The following STKLD1 variants were observed in gnomAD, a reference collection of about 807,000 sequenced individuals.
STKLD1 encodes serine/threonine kinase like domain containing 1, also known as serine/threonine kinase-like domain-containing protein STKLD1.
Under a neutral mutation model 80.4 loss-of-function variants are expected in STKLD1, and 79 were observed. The observed-to-expected ratio is 0.98, with a 90% confidence interval of 0.82 to 1.19. The LOEUF is 1.19. Among genes scored for constraint, STKLD1 ranks in the 50% most tolerant of loss-of-function variants. STKLD1 has a pLI of 0.00. For missense variants in STKLD1, 841 were observed against 856.0 expected, an observed-to-expected ratio of 0.98 and a Z score of 0.22; for synonymous variants, 393 against 357.6, an observed-to-expected ratio of 1.10 and a Z score of -1.12.
chr9:133,396,298 A>G (rs1554776736), intron 9 of STKLD1, among the ~76,000 whole-genome samples: 2 of 152,074 alleles, frequency 1.3e-5, no homozygotes, highest in South Asian at 2.1e-4. Flanking sequence ...AGCTGGGTGT[A>G]GTGGTGCATG....
At chr9:133,397,708 C>A (rs1417744973) in intron 10 of STKLD1, among the ~76,000 whole-genome samples, 1 of 152,200 alleles carries the variant, frequency 6.6e-6, no homozygotes, top group African/African-American at 2.4e-5. Flanking sequence ...CTGCGTGCTT[C>A]TATGTGCCCA....
intron 7 of STKLD1, among the ~76,000 whole-genome samples, chr9:133,392,167 A>G (rs1838414727): frequency 6.7e-6 from 1 of 148,308 alleles, no homozygotes; most frequent in South Asian, 2.1e-4. Flanking sequence ...AGCTCCGCCT[A>G]CCGGGTTCAC....
chr9:133,397,249 T>G lies in STKLD1; in HGVS notation c.952T>G (p.Ser318Ala), dbSNP rs782557470. ...CCTGCACCGGCAGATGGTGCCTGCG[T>G]CCATCACCGACATGCTGTTAGAAGG... ...LTLHRQMVPA[S>A]ITDMLLEGNV... The change falls in exon 10 of 18, where the codon TCC becomes GCC. Residue 318 changes from serine (S) to alanine (A), a missense_variant. Coordinates refer to ENST00000371957, the MANE Select transcript of STKLD1 (RefSeq NM_153710.5). The G allele has an allele frequency of 6.2e-7, 1 of 1,613,884 alleles. No homozygotes were observed. The highest frequency in any genetic ancestry group is 2.2e-5 in the East Asian group (1 of 44,866).
intron 9 of STKLD1, 30 bp downstream of exon 9, chr9:133,395,793 C>G: frequency 6.2e-6 from 10 of 1,606,676 alleles, no homozygotes; most frequent in Non-Finnish European, 8.5e-6. Context: ...TTATTTTAAC[C>G]TGTGGATTTA....
chr9:133,395,872 T>C, intron 9 of STKLD1, 109 bp downstream of exon 9: 1 of 1,122,434 alleles, frequency 8.9e-7, no homozygotes, highest in Non-Finnish European at 1.3e-6. Flanking sequence ...AAGAACTCCA[T>C]CACAGATGCC....
chr9:133,398,085 CTGCTCCCCTA>C, intron 11 of STKLD1, 30 bp downstream of exon 11: 1 of 1,603,394 alleles, frequency 6.2e-7, no homozygotes, highest in Non-Finnish European at 8.5e-7. Flanking sequence ...CCTTTCCCAG[CTGCTCCCCTA>C]GGGGCAGAAG....
At chr9:133,393,605 A>AGAG (rs1554776293) in intron 7 of STKLD1, among the ~76,000 whole-genome samples, 2 of 127,978 alleles carry the variant, frequency 1.6e-5, no homozygotes, top group African/African-American at 5.8e-5. Context: ...GAGTGAGTGA[A>AGAG]TGGGTGAGTG....
chr9:133,388,375 G>A (rs1344261408), intron 5 of STKLD1, among the ~76,000 whole-genome samples: 1 of 152,090 alleles, frequency 6.6e-6, no homozygotes, highest in East Asian at 1.9e-4. Context: ...AGCCTCCCAA[G>A]TAGCTGGGAC....
chr9:133,393,073 A>AGATG (rs1410307754), intron 7 of STKLD1, among the ~76,000 whole-genome samples: 6,467 of 39,216 alleles, frequency 0.16, 476 homozygotes, highest in African/African-American at 0.26. Flanking sequence ...GTGGGTGGGT[A>AGATG]GATGGGTGGG....
chr9:133,392,406 G>A lies in STKLD1; in HGVS notation c.583+1610G>A, dbSNP rs113982675. Among the ~76,000 whole-genome samples the A allele has an allele frequency of 1.5e-4, 23 of 152,086 alleles. 1 individual carries two copies. The highest frequency in any genetic ancestry group is 3.4e-3 in the Middle Eastern group (1 of 292). On this transcript the variant is annotated intron_variant, in intron 7 of 17. Transcript: ENST00000371957. Reference sequence around the variant, plus strand: ...GTAGACAGAAGATGAATGAGTAGATGGGTGGGTGTGTGGTTTGGTGGGTGG... The same window carrying A: ...GTAGACAGAAGATGAATGAGTAGATAGGTGGGTGTGTGGTTTGGTGGGTGG...
In STKLD1 at chr9:133,401,803, G is replaced by A. The variant is rs1838713525; in HGVS notation, c.1264G>A (p.Ala422Thr). The A allele has an allele frequency of 6.2e-7, 1 of 1,613,604 alleles. No homozygotes were observed. The highest frequency in any genetic ancestry group is 2.2e-5 in the East Asian group (1 of 44,870). ...NQAITSTLLS[A>T]LQSHPEEEPL... ...AGCCATCACCTCCACCCTGCTGAGT[G>A]CTCTTCAGAGCCACCCCGAGGAGGA... The change falls in exon 13 of 18, where the codon GCT (alanine) becomes ACT (threonine). Residue 422 changes from alanine to threonine, a missense_variant. Physicochemically the swap from Ala to Thr is moderately conservative, Grantham distance 58. Transcript: ENST00000371957.
Position 133,394,130 on chromosome 9 carries a change from T to G in STKLD1, c.584-161T>G. On this transcript the variant is annotated intron_variant, in intron 7 of 17. Transcript: ENST00000371957. The surrounding 1 kb of genome is among the most constrained non-coding windows in gnomAD (Gnocchi z 4.9). Reference sequence around the variant, plus strand: ...GGGGCCTCTTCCTCCCCACAGTTAATATTCTCCACCTCTTCTGAGAAGAGG... The same window carrying G: ...GGGGCCTCTTCCTCCCCACAGTTAAGATTCTCCACCTCTTCTGAGAAGAGG... 1 of 653,258 alleles carries G rather than the reference T, an allele frequency of 1.5e-6. No homozygotes were observed. The highest frequency in any genetic ancestry group is 2.8e-6 in the Non-Finnish European group (1 of 360,464). The allele number at this position is 653,258 out of a possible 1,614,324, so 40.5% of individuals were successfully genotyped here. A position where few individuals can be genotyped will look rare whatever the true frequency, so the allele number is the denominator to read the frequency against.
intron 9 of STKLD1, 54 bp downstream of exon 9, chr9:133,395,817 C>T: frequency 6.4e-7 from 1 of 1,570,648 alleles, no homozygotes; most frequent in Non-Finnish European, 8.7e-7. Context: ...TTCAACATCT[C>T]TCCACCCTAA....
Position 133,403,774 on chromosome 9 carries a change from G to T in STKLD1, c.1549G>T (p.Asp517Tyr). The change falls in exon 15 of 18, where the codon GAT (aspartate) becomes TAT (tyrosine). Residue 517 changes from aspartate to tyrosine, a missense_variant. Asp to Tyr is a radical substitution (Grantham distance 160, BLOSUM62 -3). Coordinates refer to ENST00000371957, the MANE Select transcript of STKLD1 (RefSeq NM_153710.5). ...ISQVLATYPA[D>Y]GEMAEASCGV... ...CCAGGTGTTGGCCACCTACCCTGCGGATGGGGAAATGGCAGAAGCCAGCTG... is the reference window on the plus strand; with the variant it reads ...CCAGGTGTTGGCCACCTACCCTGCGTATGGGGAAATGGCAGAAGCCAGCTG... 1 of 1,613,794 alleles carries T rather than the reference G, an allele frequency of 6.2e-7. No homozygotes were observed. Among genetic ancestry groups the T allele is most frequent in the Non-Finnish European group, 8.5e-7 (1 of 1,179,960 alleles).
intron 1 of STKLD1, among the ~76,000 whole-genome samples, chr9:133,378,139 C>T (rs1014689176): frequency 2.0e-5 from 3 of 152,194 alleles, no homozygotes; most frequent in African/African-American, 7.2e-5. Flanking sequence ...TCCTGCTGTG[C>T]AGCCTGGTTC....
At chr9:133,401,208 G>A (rs1041226187) in intron 12 of STKLD1, among the ~76,000 whole-genome samples, 1 of 148,344 alleles carries the variant, frequency 6.7e-6, no homozygotes, top group African/African-American at 2.5e-5. Context: ...GCGCACTCTC[G>A]GCTCAATGCA....
Position 133,389,066 on chromosome 9 carries a change from G to A in STKLD1, c.397-460G>A, listed in dbSNP as rs1211642217. On this transcript the variant is annotated intron_variant, in intron 5 of 17. Transcript: ENST00000371957. The surrounding 1 kb of genome is among the most constrained non-coding windows in gnomAD (Gnocchi z 6.4). The stretch of plus-strand genomic sequence containing the variant: ...TTTAGAATCACCGCGCTGGGTACTC[G>A]ATGGAGCTTGTCTCTGATGCAGAAC... 1.6e-5 allele frequency: 16 copies of A among 985,240 alleles called. No individual in the cohort carries two copies. Among genetic ancestry groups the A allele is most frequent in the Middle Eastern group, 5.2e-4 (1 of 1,936 alleles). 61.0% of individuals were successfully genotyped at this position (985,240 alleles called of 1,614,324 possible).
At chr9:133,393,942 G>T (rs1554776336) in intron 7 of STKLD1, 2 of 216,838 alleles carry the variant, frequency 9.2e-6, no homozygotes, top group African/African-American at 4.6e-5. Flanking sequence ...GAAGGGGCAA[G>T]AAGTTTAGAG....
At chr9:133,397,441 C>T (rs1838590934) in intron 10 of STKLD1, 147 bp downstream of exon 10, 1 of 1,075,850 alleles carries the variant, frequency 9.3e-7, no homozygotes, top group South Asian at 1.5e-5. Flanking sequence ...AGTTTCCCTC[C>T]ATCCATCCCT....
Sources: allele counts gnomAD v4.1 joint callset (sites outside exome capture counted in the v4.1 genomes callset), GRCh38; gene constraint gnomAD v4.1.1; non-coding constraint Gnocchi (gnomAD v3.1); transcripts MANE v1.5; gene names NCBI Gene and HGNC (gene_info 2026-07-23, HGNC 2026-07-21).